RGS11: variants seen among roughly 807,000 people sequenced by gnomAD.
The protein encoded by RGS11 is regulator of G protein signaling 11, also known as regulator of G-protein signaling 11.
A neutral mutation model predicts 71.1 loss-of-function variants in RGS11; 86 were observed. The ratio of observed to expected loss-of-function variants is 1.21; its 90% confidence interval spans 1.02 to 1.45. The LOEUF (loss-of-function observed/expected upper bound fraction) is 1.45, where lower values mean the gene tolerates loss of function less well. Among genes scored for constraint, RGS11 ranks in the 40% most tolerant of loss-of-function variants. RGS11 has a pLI of 0.00. For missense variants in RGS11, 734 were observed against 635.1 expected (o/e 1.16, Z -1.67); for synonymous variants, 298 against 254.2 (o/e 1.17, Z -1.64).
rs999703453 is a variant in RGS11 at position 269,092 on chromosome 16, G to A, written c.*177C>T. ...TGGACCCATTCCTTCTGGGCAGGGAGGGCTTGCTGGAGGGAGGGAGGCTGT... is the reference window on the plus strand; with the variant it reads ...TGGACCCATTCCTTCTGGGCAGGGAAGGCTTGCTGGAGGGAGGGAGGCTGT... On this transcript the variant is annotated 3_prime_UTR_variant, in exon 17 of 17. Transcript: ENST00000397770. The A allele has an allele frequency of 2.1e-6, 2 of 936,194 alleles. No individual in the cohort carries two copies. Among genetic ancestry groups the A allele is most frequent in the South Asian group, 2.8e-5 (2 of 70,756 alleles). The allele number at this position is 936,194 out of a possible 1,614,324, so 58.0% of individuals were successfully genotyped here. A position where few individuals can be genotyped will look rare whatever the true frequency, so the allele number is the denominator to read the frequency against.
In RGS11 at chr16:269,040, T is replaced by G; in HGVS notation, c.*229A>C. 8.4e-7 allele frequency: 1 copy of G among 1,191,550 alleles called. No individual in the cohort carries two copies. Among genetic ancestry groups the G allele is most frequent in the Non-Finnish European group, 1.2e-6 (1 of 820,030 alleles). The allele number at this position is 1,191,550 out of a possible 1,614,324, so 73.8% of individuals were successfully genotyped here. ...TCTGCCCTGACCCAAGCTGAGCCAATGAACCCCCTCCCTGGGAATCCACAC... is the reference window on the plus strand; with the variant it reads ...TCTGCCCTGACCCAAGCTGAGCCAAGGAACCCCCTCCCTGGGAATCCACAC... On this transcript the variant is annotated 3_prime_UTR_variant, in exon 17 of 17. Coordinates refer to ENST00000397770, the MANE Select transcript of RGS11 (RefSeq NM_183337.3).
At chr16:270,267 C>A (rs1339215902) in intron 15 of RGS11, among the ~76,000 whole-genome samples, 1 of 151,884 alleles carries the variant, frequency 6.6e-6, no homozygotes, top group East Asian at 1.9e-4. Flanking sequence ...GAAAACAAAA[C>A]TTTTTAGATC....
At position 274,991 on chromosome 16, in the gene RGS11, C is replaced by T. The variant is rs1460625933; in HGVS notation, c.303G>A (p.Thr101=). Residue 101 remains threonine, a synonymous_variant, in exon 4 of 17, where the codon ACG becomes ACA. Transcript: ENST00000397770. The stretch of plus-strand genomic sequence containing the variant: ...CGAGCCTGACCTGGAACCTGTAGGG[C>T]GTCTCGTCTGGCCGGAGCATGAGGC... ...PRSLMLRPDE[T]PYRFQTPYFW... 8 of 1,540,536 alleles carry T rather than the reference C, an allele frequency of 5.2e-6. No individual in the cohort carries two copies. Among genetic ancestry groups the T allele is most frequent in the South Asian group, 1.2e-5 (1 of 81,730 alleles).
At position 275,014 on chromosome 16, in the gene RGS11, G is replaced by T. The variant is rs1224746984; in HGVS notation, c.280C>A (p.Leu94Ile). 1 of 1,522,404 alleles carries T rather than the reference G, an allele frequency of 6.6e-7. No individual in the cohort carries two copies. Among genetic ancestry groups the T allele is most frequent in the South Asian group, 1.3e-5 (1 of 78,618 alleles). The allele number at this position is 1,522,404 out of a possible 1,614,324, so 94.3% of individuals were successfully genotyped here. ...YIYPLRDPRSLMLRPDETPYR... is the reference protein window; with the variant it reads ...YIYPLRDPRSIMLRPDETPYR... ...GGCGTCTCGTCTGGCCGGAGCATGA[G>T]GCTACGGGGGTCGCGCAGCGGGTAG... Residue 94 changes from leucine to isoleucine, a missense_variant, in exon 4 of 17, where the codon CTC becomes ATC. Coordinates refer to ENST00000397770, the MANE Select transcript of RGS11 (RefSeq NM_183337.3).
chr16:270,077 G>A (rs908289818), intron 15 of RGS11: 7 of 175,746 alleles, frequency 4.0e-5, no homozygotes, highest in East Asian at 3.1e-4. Context: ...GTGAAACCCC[G>A]TCTCTACTAA....
At chr16:273,422 C>G in intron 8 of RGS11, 53 bp downstream of exon 8, 1 of 1,399,714 alleles carries the variant, frequency 7.1e-7, no homozygotes, top group Non-Finnish European at 9.7e-7. Flanking sequence ...CAGGGAAGCA[C>G]GCTGACCCCT....
chr16:275,728 G>GGGCGC, intron 1 of RGS11, 121 bp downstream of exon 1: 1 of 401,658 alleles, frequency 2.5e-6, no homozygotes, highest in South Asian at 8.9e-5. Context: ...TCCCGGCCTC[G>GGGCGC]CAGACCTCCG....
At chr16:269,750 ACG>A (rs923857641) in intron 15 of RGS11, 165 bp from the exon 16 acceptor site, 12 of 589,666 alleles carry the variant, frequency 2.0e-5, no homozygotes, top group African/African-American at 3.7e-5. Context: ...ACCAAGGCAG[ACG>A]CAGGGAGACC....
At position 273,912 on chromosome 16, in the gene RGS11, G is replaced by A. The variant is rs982907168; in HGVS notation, c.430-76C>T. The A allele has an allele frequency of 2.7e-6, 4 of 1,509,418 alleles. No homozygotes were observed. The African/African-American group carries it at 4.1e-5, about 16-fold the overall frequency. The allele number at this position is 1,509,418 out of a possible 1,614,324, so 93.5% of individuals were successfully genotyped here. A position where few individuals can be genotyped will look rare whatever the true frequency, so the allele number is the denominator to read the frequency against. ...AGACTGTGTGGGCAGTTGGGGGGTT[G>A]GGGACTGTCTTGGGTTTTGGGGCCT... is the stretch of plus-strand genomic sequence containing the variant. On this transcript the variant is annotated intron_variant, in intron 6 of 16. Coordinates refer to ENST00000397770, the MANE Select transcript of RGS11 (RefSeq NM_183337.3).
chr16:273,659 C>T (rs1459828164), intron 7 of RGS11, 101 bp downstream of exon 7: 1 of 1,505,710 alleles, frequency 6.6e-7, no homozygotes, highest in Admixed American at 1.8e-5. Context: ...CCAGGGGTGC[C>T]CTCCACGGTC....
chr16:275,764 C>T (rs1464274111), intron 1 of RGS11, 85 bp downstream of exon 1: 1 of 257,076 alleles, frequency 3.9e-6, no homozygotes, highest in Non-Finnish European at 5.1e-6. Context: ...GCCCCGCGCG[C>T]CCCCGTGTCC....
At position 274,212 on chromosome 16, in the gene RGS11, A is replaced by AC. The variant is rs1188381059; in HGVS notation, c.370+1dup. On this transcript the variant is annotated splice_donor_variant, in intron 5 of 16. Transcript: ENST00000397770. LOFTEE classifies it high-confidence loss of function. The stretch of plus-strand genomic sequence containing the variant: ...TCTGGGGCCAGCCGTCCCCTTGCTC[A>AC]CCATAGTCCAGCTCTGCAGCCGGCC... The AC allele has an allele frequency of 1.2e-6, 2 of 1,609,688 alleles. No individual in the cohort carries two copies. The highest frequency in any genetic ancestry group is 1.7e-6 in the Non-Finnish European group (2 of 1,178,338).
At chr16:274,172 A>C in intron 5 of RGS11, 42 bp downstream of exon 5, 1 of 1,595,506 alleles carries the variant, frequency 6.3e-7, no homozygotes, top group South Asian at 1.1e-5. Context: ...TGAGGCCCCC[A>C]GTCCTGGGAA....
intron 7 of RGS11, 23 bp downstream of exon 7, chr16:273,737 G>A (rs2052039275): frequency 1.3e-6 from 2 of 1,596,508 alleles, no homozygotes; most frequent in Non-Finnish European, 8.6e-7. Context: ...CTGCAGGCGG[G>A]GCGGGGCAGG....
Position 270,589 on chromosome 16 carries a change from C to A in RGS11, c.1140G>T (p.Gly380=). ...DSRTMEQTLE[G]LRQPHRYVLD... ...GGACATAGCGGTGGGGCTGGCGCAG[C>A]CCCTCCAGGGTCTGCTCCATGGTCC... The change falls in exon 15 of 17, where the codon GGG becomes GGT. Residue 380 remains glycine, a synonymous_variant. Coordinates refer to ENST00000397770, the MANE Select transcript of RGS11 (RefSeq NM_183337.3). 3 of 1,608,196 alleles carry A rather than the reference C, an allele frequency of 1.9e-6. No individual in the cohort carries two copies. The highest frequency in any genetic ancestry group is 2.5e-6 in the Non-Finnish European group (3 of 1,177,950).
In RGS11 at chr16:273,791, G is replaced by A; in HGVS notation, c.475C>T (p.Leu159=). ...LHKKINHAWD[L]VLMQAREQLR... is the part of the protein sequence containing the mutation. ...TGCTCCCTCGCCTGCATCAGCACCA[G>A]GTCCCATGCGTGGTTGATCTTCTTG... The change falls in exon 7 of 17, where the codon CTG becomes TTG. Residue 159 remains leucine, a synonymous_variant. Transcript: ENST00000397770. 1.9e-6 allele frequency: 3 copies of A among 1,613,228 alleles called. No individual in the cohort carries two copies. The highest frequency in any genetic ancestry group is 2.5e-6 in the Non-Finnish European group (3 of 1,180,002).
rs201503564 is a variant in RGS11, at chr16:273,774, C to A, written c.492G>T (p.Ala164=). The change falls in exon 7 of 17, where the codon GCG becomes GCT. Residue 164 remains alanine (A), a synonymous_variant. Transcript: ENST00000397770. Reference sequence around the variant, plus strand: ...CGGGGCCTCACCTCAGCTGCTCCCTCGCCTGCATCAGCACCAGGTCCCATG... The same window carrying A: ...CGGGGCCTCACCTCAGCTGCTCCCTAGCCTGCATCAGCACCAGGTCCCATG... ...NHAWDLVLMQ[A]REQLRAAKQR... 2.5e-6 allele frequency: 4 copies of A among 1,612,838 alleles called. No individual in the cohort carries two copies. The highest frequency in any genetic ancestry group is 1.7e-5 in the Admixed American group (1 of 60,032).
rs1027404989 is a variant in RGS11 at position 273,070 on chromosome 16, C to T, written c.589-139G>A. ...GGAAGAGTCCCGACCTAGCCGTCAG[C>T]TGTCTCTTCTCTGCTCACCACCTCC... On this transcript the variant is annotated intron_variant, in intron 8 of 16. Coordinates refer to ENST00000397770, the MANE Select transcript of RGS11 (RefSeq NM_183337.3). 5 of 800,840 alleles carry T rather than the reference C, an allele frequency of 6.2e-6. No individual in the cohort carries two copies. The African/African-American group carries it at 8.8e-5, about 14-fold the overall frequency. The allele number at this position is 800,840 out of a possible 1,614,324, so 49.6% of individuals were successfully genotyped here. A position where few individuals can be genotyped will look rare whatever the true frequency, so the allele number is the denominator to read the frequency against.
Position 272,858 on chromosome 16 carries a change from C to T in RGS11, c.657+5G>A. The T allele has an allele frequency of 1.3e-6, 2 of 1,542,764 alleles. No individual in the cohort carries two copies. The highest frequency in any genetic ancestry group is 8.7e-7 in the Non-Finnish European group (1 of 1,146,236). Reference sequence around the variant, plus strand: ...AGGGCGGCCAGCACGCACGCAGGGGCTCACCATGAGCACACGGCTGGCAGC... The same window carrying T: ...AGGGCGGCCAGCACGCACGCAGGGGTTCACCATGAGCACACGGCTGGCAGC... On this transcript the variant is annotated splice_donor_5th_base_variant and intron_variant, in intron 9 of 16. Coordinates refer to ENST00000397770, the MANE Select transcript of RGS11 (RefSeq NM_183337.3).
Sources: gnomAD v4.1 joint callset for allele counts (sites outside exome capture counted in the v4.1 genomes callset) on GRCh38, gnomAD v4.1.1 for gene constraint, MANE v1.5 for transcripts, NCBI Gene and HGNC (gene_info 2026-07-23, HGNC 2026-07-21) for gene names.